PFKP: variants seen among roughly 807,000 people sequenced by gnomAD.
PFKP encodes ATP-dependent 6-phosphofructokinase, platelet type.
In PFKP, 101 loss-of-function variants were observed where a neutral mutation model predicts 94.3. The ratio of observed to expected loss-of-function variants is 1.07; its 90% CI spans 0.91 to 1.26. PFKP has a LOEUF of 1.26. PFKP is among the 50% of genes most tolerant of loss of function. The pLI, the probability that PFKP is intolerant of heterozygous loss-of-function variation, is 0.00. For missense variants in PFKP, 1,145 were observed against 1,103.3 expected (o/e 1.04, Z -0.53); for synonymous variants, 573 against 432.6 (o/e 1.32, Z -4.03).
At chr10:3,102,207 C>A (rs1309148655) in intron 4 of PFKP, among the ~76,000 whole-genome samples, 2 of 133,424 alleles carry the variant, frequency 1.5e-5, no homozygotes, top group African/African-American at 5.5e-5. Context: ...GCCGAGGTCC[C>A]GCCACTGCAC....
chr10:3,079,276 C>T (rs1832836229), intron 1 of PFKP, among the ~76,000 whole-genome samples: 1 of 152,102 alleles, frequency 6.6e-6, no homozygotes, highest in South Asian at 2.1e-4. Flanking sequence ...GCTCTGTCGC[C>T]CAGGCTGGAG....
chr10:3,101,879 G>C (rs772941984), intron 4 of PFKP, among the ~76,000 whole-genome samples: 2 of 152,194 alleles, frequency 1.3e-5, no homozygotes, highest in African/African-American at 4.8e-5. Flanking sequence ...GGGGCGAGCC[G>C]GGTCCCCAGC....
At chr10:3,131,232 T>C (rs1838550151) in intron 17 of PFKP, among the ~76,000 whole-genome samples, 1 of 152,214 alleles carries the variant, frequency 6.6e-6, no homozygotes, top group African/African-American at 2.4e-5. Context: ...ACATTCAGGT[T>C]TGTAGCCAGG....
chr10:3,069,421 G>A (rs765217629), intron 1 of PFKP: 255 of 1,566,144 alleles, frequency 1.6e-4, no homozygotes, highest in Non-Finnish European at 2.1e-4. Context: ...GGTCGGGATA[G>A]GACCCAGAGT....
chr10:3,120,692 C>T (rs1376444426), intron 16 of PFKP, among the ~76,000 whole-genome samples: 1 of 152,220 alleles, frequency 6.6e-6, no homozygotes, highest in African/African-American at 2.4e-5. Flanking sequence ...CGGGGTCTTA[C>T]TCTGTCACCC....
At chr10:3,105,970 G>T (rs1406028175) in intron 7 of PFKP, among the ~76,000 whole-genome samples, 1 of 152,220 alleles carries the variant, frequency 6.6e-6, no homozygotes, top group African/African-American at 2.4e-5. Flanking sequence ...GGACGACGGG[G>T]ACAGCAGCCA....
Position 3,107,302 on chromosome 10 carries a change from TCAAAG to T in PFKP, c.864_868del (p.Lys289AlafsTer9). 4 of 1,593,632 alleles carry T rather than the reference TCAAAG, an allele frequency of 2.5e-6. No individual in the cohort carries two copies. The highest frequency in any genetic ancestry group is 3.4e-6 in the Non-Finnish European group (4 of 1,161,910). ...AATAAACCCATCACCTCTGAGAAAA[TCAAAG>T]AGGTGAGTGTGTGTAGCTGCTCACT... On this transcript the variant is annotated frameshift_variant and splice_region_variant, in exon 8 of 22. Coordinates refer to ENST00000381125, the MANE Select transcript of PFKP (RefSeq NM_002627.5). LOFTEE classifies it high-confidence loss of function.
At chr10:3,116,535 C>G (rs1479331037) in intron 13 of PFKP, among the ~76,000 whole-genome samples, 1 of 152,150 alleles carries the variant, frequency 6.6e-6, no homozygotes, top group Non-Finnish European at 1.5e-5. Flanking sequence ...CAGGATGAGA[C>G]ACAGAGGCCC....
chr10:3,079,273 C>T (rs374060255), intron 1 of PFKP, among the ~76,000 whole-genome samples: 55 of 151,384 alleles, frequency 3.6e-4, no homozygotes, highest in Non-Finnish European at 6.2e-4. Flanking sequence ...CTCGCTCTGT[C>T]GCCCAGGCTG....
intron 14 of PFKP, among the ~76,000 whole-genome samples, chr10:3,118,215 C>T (rs1196862346): frequency 6.6e-6 from 1 of 152,110 alleles, no homozygotes; most frequent in Non-Finnish European, 1.5e-5. Context: ...ACACCTGTAA[C>T]CCCAGCACTC....
intron 20 of PFKP, 49 bp from the exon 21 acceptor site, chr10:3,135,687 C>A: frequency 8.8e-7 from 1 of 1,141,312 alleles, no homozygotes; most frequent in Non-Finnish European, 1.3e-6. Flanking sequence ...GCTCCCCCAC[C>A]TGCCCATGTT....
intron 2 of PFKP, among the ~76,000 whole-genome samples, chr10:3,092,043 G>A (rs1834080508): frequency 1.3e-5 from 2 of 152,182 alleles, no homozygotes; most frequent in South Asian, 4.1e-4. Context: ...TCAGCATCCA[G>A]CCTCTGGTCT....
chr10:3,099,668 G>C (rs1834791403), intron 3 of PFKP, among the ~76,000 whole-genome samples: 2 of 152,252 alleles, frequency 1.3e-5, no homozygotes, highest in African/African-American at 4.8e-5. Context: ...CACATCAGAA[G>C]AGAGGTGGAG....
chr10:3,127,150 C>T (rs1455192452), intron 16 of PFKP, among the ~76,000 whole-genome samples: 5 of 152,262 alleles, frequency 3.3e-5, no homozygotes, highest in Non-Finnish European at 7.3e-5. Flanking sequence ...ATTCAGGCTT[C>T]AGATGCCATC....
At chr10:3,121,082 A>C (rs568886597) in intron 16 of PFKP, among the ~76,000 whole-genome samples, 1 of 152,338 alleles carries the variant, frequency 6.6e-6, no homozygotes, top group East Asian at 1.9e-4. Flanking sequence ...AGCTTTTAAC[A>C]TACAGCTCAT....
chr10:3,084,055 G>A (rs537182327), intron 2 of PFKP, among the ~76,000 whole-genome samples: 9 of 152,218 alleles, frequency 5.9e-5, no homozygotes, highest in East Asian at 3.9e-4. Context: ...CTTTCTCCCC[G>A]TTTTTTAAGC....
In PFKP at chr10:3,113,476, G is replaced by A; in HGVS notation, c.1329G>A (p.Met443Ile). 1 of 1,613,330 alleles carries A rather than the reference G, an allele frequency of 6.2e-7. No homozygotes were observed. The highest frequency in any genetic ancestry group is 8.5e-7 in the Non-Finnish European group (1 of 1,179,942). Residue 443 changes from methionine (M) to isoleucine (I), a missense_variant, in exon 13 of 22, where the codon ATG becomes ATA. This residue lies in a region of PFKP where 1,119 missense variants were observed against 1,062.8 expected (regional missense o/e 1.05). Coordinates refer to ENST00000381125, the MANE Select transcript of PFKP (RefSeq NM_002627.5). ...TGGGCATTGCCGACGGCCACAGGATGCTCGCCATCTATGATGGCTTTGACG... is the reference window on the plus strand; with the variant it reads ...TGGGCATTGCCGACGGCCACAGGATACTCGCCATCTATGATGGCTTTGACG... ...VRVGIADGHR[M>I]LAIYDGFDGF... is the part of the protein sequence containing the mutation.
At chr10:3,068,618 C>G (rs952251151) in intron 1 of PFKP, 4 of 975,284 alleles carry the variant, frequency 4.1e-6, no homozygotes, top group Non-Finnish European at 4.9e-6. Flanking sequence ...GCGGGCGCGC[C>G]GGGAGGATAT....
intron 2 of PFKP, among the ~76,000 whole-genome samples, chr10:3,098,072 A>T (rs937643143): frequency 6.6e-6 from 1 of 152,172 alleles, no homozygotes; most frequent in African/African-American, 2.4e-5. Flanking sequence ...TATAAATATA[A>T]GTATACAAAT....
Sources: allele counts gnomAD v4.1 joint callset (sites outside exome capture counted in the v4.1 genomes callset), GRCh38; gene constraint gnomAD v4.1.1; regional missense constraint gnomAD v4.1.1; transcripts MANE v1.5; gene names NCBI Gene and HGNC (gene_info 2026-07-23, HGNC 2026-07-21).